Variants in DCXR observed in about 807,000 individuals in gnomAD.
DCXR encodes the protein L-xylulose reductase.
DCXR carries 24 observed loss-of-function variants against 25.9 expected under a neutral mutation model. That is an observed-to-expected ratio of 0.93 (90% CI 0.67 to 1.30). The LOEUF (loss-of-function observed/expected upper bound fraction) is 1.30, where lower values mean the gene tolerates loss of function less well. Ranked by LOEUF, DCXR falls within the 50% of genes most tolerant of loss-of-function variation. The probability of loss-of-function intolerance (pLI) is 0.00; values close to 1 mark genes in which losing one functional copy is unlikely to be tolerated. For missense variants in DCXR, 348 were observed against 333.7 expected, an observed-to-expected ratio of 1.04 and a Z score of -0.33; for synonymous variants, 161 against 141.7, an observed-to-expected ratio of 1.14 and a Z score of -0.97.
At position 82,037,026 on chromosome 17, in the gene DCXR, G is replaced by C; in HGVS notation, c.151-13C>G. On this transcript the variant is annotated splice_polypyrimidine_tract_variant and intron_variant, in intron 2 of 7. Coordinates refer to ENST00000306869, the MANE Select transcript of DCXR (RefSeq NM_016286.4). ...CTATCCCCGGGCACTGTGTGTATCAGGGGGCAGTTACCAGAGGCTCTGTGC... is the reference window on the plus strand; with the variant it reads ...CTATCCCCGGGCACTGTGTGTATCACGGGGCAGTTACCAGAGGCTCTGTGC... The C allele has an allele frequency of 6.4e-7, 1 of 1,552,764 alleles. No individual in the cohort carries two copies.
chr17:82,036,727 C>T lies in DCXR; in HGVS notation c.342G>A (p.Val114=). The change falls in exon 4 of 8, where the codon GTG becomes GTA. Residue 114 remains valine, a synonymous_variant. Coordinates refer to ENST00000306869, the MANE Select transcript of DCXR (RefSeq NM_016286.4). Reference sequence around the variant, plus strand: ...AGCCCACAGGGCAGCTCACCTGCGACACCTGGATGACCGCACGCAGGTTCA... The same window carrying T: ...AGCCCACAGGGCAGCTCACCTGCGATACCTGGATGACCGCACGCAGGTTCA... ...FEVNLRAVIQ[V]SQIVARGLIA... 6.2e-7 allele frequency: 1 copy of T among 1,613,630 alleles called. No individual in the cohort carries two copies. Among genetic ancestry groups the T allele is most frequent in the Non-Finnish European group, 8.5e-7 (1 of 1,180,006 alleles).
In DCXR at chr17:82,035,963, G is replaced by T. The variant is rs745860696; in HGVS notation, c.732C>A (p.Cys244Ter). Residue 244 changes from cysteine to a stop codon, truncating the protein, a stop_gained, in exon 8 of 8, where the codon TGC becomes TGA. Transcript: ENST00000306869. LOFTEE classifies it high-confidence loss of function. ...TLPVEGGFWA[C>*] ...GCTTGAGGTGTGTGGAGGGAGCTCA[G>T]CAGGCCCAGAAGCCCCCTTCCACCG... is the stretch of plus-strand genomic sequence containing the variant. The T allele has an allele frequency of 1.9e-6, 3 of 1,612,252 alleles. No homozygotes were observed.
At position 82,037,498 on chromosome 17, in the gene DCXR, C is replaced by T. The variant is rs1473498460; in HGVS notation, c.102G>A (p.Val34=). Residue 34 remains valine, a synonymous_variant, in exon 2 of 8, where the codon GTG becomes GTA. Transcript: ENST00000306869. ...CCGCCTGAGTCCGGCTCACAGCCAC[C>T]ACCCGCGCGCCCGTCGCGTGCAGCG... The part of the protein sequence containing the change: ...VQALHATGAR[V]VAVSRTQADL... 2.6e-6 allele frequency: 4 copies of T among 1,539,446 alleles called. No individual in the cohort carries two copies. In the South Asian group the frequency reaches 4.7e-5, roughly 18 times the overall value.
intron 5 of DCXR, 35 bp from the exon 6 acceptor site, chr17:82,036,483 G>A (rs1210969859): frequency 3.1e-6 from 5 of 1,613,188 alleles, no homozygotes; most frequent in Non-Finnish European, 4.2e-6. Flanking sequence ...TGGGGCTGGG[G>A]TCGGTGATGA....
At chr17:82,037,274 C>T in intron 2 of DCXR, 176 bp downstream of exon 2, 2 of 922,766 alleles carry the variant, frequency 2.2e-6, no homozygotes, top group Non-Finnish European at 3.1e-6. Context: ...CTGCCGACCA[C>T]CCGGCCGCCC....
chr17:82,037,501 C>A lies in DCXR; in HGVS notation c.99G>T (p.Arg33=), dbSNP rs1412795030. 1 of 1,540,092 alleles carries A rather than the reference C, an allele frequency of 6.5e-7. No homozygotes were observed. The highest frequency in any genetic ancestry group is 8.7e-7 in the Non-Finnish European group (1 of 1,150,208). ...CCTGAGTCCGGCTCACAGCCACCACCCGCGCGCCCGTCGCGTGCAGCGCCT... is the reference window on the plus strand; with the variant it reads ...CCTGAGTCCGGCTCACAGCCACCACACGCGCGCCCGTCGCGTGCAGCGCCT... ...TVQALHATGA[R]VVAVSRTQAD... The change falls in exon 2 of 8, where the codon CGG becomes CGT. Residue 33 remains arginine (R), a synonymous_variant. Transcript: ENST00000306869.
At position 82,037,532 on chromosome 17, in the gene DCXR, G is replaced by T; in HGVS notation, c.68C>A (p.Thr23Lys). Residue 23 changes from threonine to lysine, a missense_variant, in exon 2 of 8, where the codon ACG becomes AAG. By Grantham distance (78) the Thr-to-Lys change is moderately conservative (BLOSUM62 -1). Coordinates refer to ENST00000306869, the MANE Select transcript of DCXR (RefSeq NM_016286.4). ...TGAGKGIGRG[T>K]VQALHATGAR... Reference sequence around the variant, plus strand: ...GCCCGTCGCGTGCAGCGCCTGGACCGTGCCGCGCCCTATACCTGCCGGGAG... The same window carrying T: ...GCCCGTCGCGTGCAGCGCCTGGACCTTGCCGCGCCCTATACCTGCCGGGAG... 1 of 1,545,128 alleles carries T rather than the reference G, an allele frequency of 6.5e-7. No homozygotes were observed. Among genetic ancestry groups the T allele is most frequent in the Non-Finnish European group, 8.7e-7 (1 of 1,151,852 alleles).
rs1413003298 is a variant in DCXR at position 82,036,198 on chromosome 17, C to T, written c.624G>A (p.Lys208=). ...KTMLNRIPLG[K]FAEVEHVVNA... ...GGCTCCCACCTGACTCACCAGCAAACTTGCCAAGTGGGATTCGGTTCAGCA... is the reference window on the plus strand; with the variant it reads ...GGCTCCCACCTGACTCACCAGCAAATTTGCCAAGTGGGATTCGGTTCAGCA... The change falls in exon 7 of 8, where the codon AAG becomes AAA. Residue 208 remains lysine, a synonymous_variant. Coordinates refer to ENST00000306869, the MANE Select transcript of DCXR (RefSeq NM_016286.4). 3 of 1,613,438 alleles carry T rather than the reference C, an allele frequency of 1.9e-6. No individual in the cohort carries two copies. Among genetic ancestry groups the T allele is most frequent in the Non-Finnish European group, 2.5e-6 (3 of 1,179,966 alleles).
rs534305527 is a variant in DCXR at position 82,037,196 on chromosome 17, C to T, written c.151-183G>A. The T allele has an allele frequency of 3.5e-4, 311 of 877,478 alleles. No homozygotes were observed. In the African/African-American group the frequency reaches 4.2e-3, roughly 12 times the overall value. 54.4% of individuals were successfully genotyped at this position (877,478 alleles called of 1,614,324 possible). ...GGTTCACTTCCTCCCTGCGCCCGAG[C>T]GACTCCTGCCCGGGGCCTGCTTCGC... On this transcript the variant is annotated intron_variant, in intron 2 of 7. Coordinates refer to ENST00000306869, the MANE Select transcript of DCXR (RefSeq NM_016286.4).
Position 82,037,669 on chromosome 17 carries a change from AG to A in DCXR, c.13del (p.Leu5SerfsTer15), listed in dbSNP as rs769074396. 3.8e-6 allele frequency: 6 copies of A among 1,591,548 alleles called. No individual in the cohort carries two copies. The African/African-American group carries it at 8.0e-5, about 21-fold the overall frequency. On this transcript the variant is annotated frameshift_variant, in exon 1 of 8. Coordinates refer to ENST00000306869, the MANE Select transcript of DCXR (RefSeq NM_016286.4). LOFTEE classifies it high-confidence loss of function. MELF[L>X]AGRRVLVTGA... is the part of the protein sequence containing the mutation. ...GGTGACCAGCACCCGGCGGCCCGCG[AG>A]GAACAGCTCCATGTCGGCGCAGTCT...
rs781290247 is a variant in DCXR, at chr17:82,036,373, G to A, written c.513+11C>T. 2.5e-6 allele frequency: 4 copies of A among 1,613,306 alleles called. No homozygotes were observed. The highest frequency in any genetic ancestry group is 2.5e-6 in the Non-Finnish European group (3 of 1,179,948). ...GTCCTAGGTTGGGGGAGGTACCCCA[G>A]CCCTGCTCACCTTGTGGGGCCCGAG... On this transcript the variant is annotated intron_variant, in intron 6 of 7. Transcript: ENST00000306869.
chr17:82,036,062 C>T lies in DCXR; in HGVS notation c.633G>A (p.Glu211=). 6.2e-7 allele frequency: 1 copy of T among 1,613,208 alleles called. No individual in the cohort carries two copies. Among genetic ancestry groups the T allele is most frequent in the Non-Finnish European group, 8.5e-7 (1 of 1,179,940 alleles). ...LNRIPLGKFA[E]VEHVVNAILF... ...GGATGGCGTTCACCACGTGCTCTAC[C>T]TCTGTGGGCAGGGCGGGGGTCAGGG... The change falls in exon 8 of 8, where the codon GAG becomes GAA. Residue 211 remains glutamate (E), a splice_region_variant and synonymous_variant. Transcript: ENST00000306869.
intron 2 of DCXR, 115 bp from the exon 3 acceptor site, chr17:82,037,128 G>A (rs548779482): frequency 1.5e-6 from 2 of 1,354,046 alleles, no homozygotes; most frequent in Non-Finnish European, 2.0e-6. Flanking sequence ...AGTTCCGAAG[G>A]TGTCGGGACT....
chr17:82,036,428 C>A lies in DCXR; in HGVS notation c.469G>T (p.Asp157Tyr). ...SVYCSTKGAL[D>Y]MLTKVMALEL... ...AGGGCCATCACCTTGGTCAGCATGT[C>A]CAGGGCACCCTTGGTGGAGCCTACG... Residue 157 changes from aspartate to tyrosine, a missense_variant, in exon 6 of 8, where the codon GAC becomes TAC. Asp to Tyr is a radical substitution (Grantham distance 160, BLOSUM62 -3). Coordinates refer to ENST00000306869, the MANE Select transcript of DCXR (RefSeq NM_016286.4). The A allele has an allele frequency of 6.2e-7, 1 of 1,613,512 alleles. No individual in the cohort carries two copies. The highest frequency in any genetic ancestry group is 8.5e-7 in the Non-Finnish European group (1 of 1,180,004).
chr17:82,037,299 C>A, intron 2 of DCXR, 151 bp downstream of exon 2: 1 of 1,013,462 alleles, frequency 9.9e-7, no homozygotes, highest in Admixed American at 3.2e-5. Flanking sequence ...AGGCCACCAG[C>A]CCCGAGAGAG....
Position 82,036,560 on chromosome 17 carries a change from A to G in DCXR, c.432T>C (p.Thr144=), listed in dbSNP as rs753192836. ...GGCACTCACAGTAGACGCTATGGTT[A>G]GTTACTGCCCGCTGGGAGCACTGGC... ...VSSQCSQRAV[T]NHSVYCSTKG... is the part of the protein sequence containing the mutation. Residue 144 remains threonine (T), a synonymous_variant, in exon 5 of 8, where the codon ACT becomes ACC. Transcript: ENST00000306869. 3.8e-5 allele frequency: 61 copies of G among 1,612,926 alleles called. No homozygotes were observed.
At position 82,037,614 on chromosome 17, in the gene DCXR, C is replaced by CT; in HGVS notation, c.52+16dup. 1.3e-6 allele frequency: 2 copies of CT among 1,571,918 alleles called. No individual in the cohort carries two copies. Among genetic ancestry groups the CT allele is most frequent in the African/African-American group, 1.3e-5 (1 of 74,102 alleles). ...CTGCCCGCCGCCGGCCTTTGCCCAC[C>CT]TTTCCCCGCCGCCCACCTTTGCCTG... On this transcript the variant is annotated intron_variant, in intron 1 of 7. Transcript: ENST00000306869.
rs1170059416 is a variant in DCXR, at chr17:82,036,385, T to C, written c.512A>G (p.Lys171Arg). The change falls in exon 6 of 8, where the codon AAG (lysine) becomes AGG (arginine). Residue 171 changes from lysine (K) to arginine (R), a missense_variant and splice_region_variant. Coordinates refer to ENST00000306869, the MANE Select transcript of DCXR (RefSeq NM_016286.4). ...GGGAGGTACCCCAGCCCTGCTCACC[T>C]TGTGGGGCCCGAGCTCTAGGGCCAT... ...KVMALELGPH[K>R]IRVNAVNPTV... The C allele has an allele frequency of 3.7e-6, 6 of 1,613,350 alleles. No homozygotes were observed. Among genetic ancestry groups the C allele is most frequent in the Non-Finnish European group, 5.1e-6 (6 of 1,179,970 alleles).
intron 2 of DCXR, 73 bp from the exon 3 acceptor site, chr17:82,037,086 G>T: frequency 6.5e-7 from 1 of 1,531,952 alleles, no homozygotes; most frequent in South Asian, 1.2e-5. Flanking sequence ...TGGGGCTGGT[G>T]ACCTTTCAGC....
Sources: allele counts gnomAD v4.1 joint callset, GRCh38; gene constraint gnomAD v4.1.1; transcripts MANE v1.5; gene names NCBI Gene and HGNC (gene_info 2026-07-23, HGNC 2026-07-21).